The following FRMD4B variants were observed in gnomAD, a reference collection of about 807,000 sequenced individuals.
FRMD4B encodes the protein FERM domain-containing protein 4B.
A neutral mutation model predicts 141.5 loss-of-function variants in FRMD4B; 74 were observed. The ratio of observed to expected loss-of-function variants is 0.52; its 90% CI spans 0.43 to 0.63. FRMD4B has a LOEUF of 0.63. FRMD4B is among the 30% of genes least tolerant of loss of function. The probability of loss-of-function intolerance (pLI) is 0.00; values close to 1 mark genes in which losing one functional copy is unlikely to be tolerated. For synonymous variants in FRMD4B, 506 were observed against 467.9 expected (o/e 1.08, Z -1.05); for missense variants, 1,366 against 1,253.4 (o/e 1.09, Z -1.36).
intron 1 of FRMD4B, among the ~76,000 whole-genome samples, chr3:69,504,872 G>A (rs949921124): frequency 6.6e-6 from 1 of 152,192 alleles, no homozygotes; most frequent in Non-Finnish European, 1.5e-5. Flanking sequence ...TTCAATTAAA[G>A]CTTTATTTCT....
intron 1 of FRMD4B, among the ~76,000 whole-genome samples, chr3:69,505,812 G>C (rs1706585805): frequency 6.6e-6 from 1 of 152,096 alleles, no homozygotes; most frequent in Admixed American, 6.6e-5. Context: ...TGGCCTCCTG[G>C]GTGAAATCTA....
intron 2 of FRMD4B, among the ~76,000 whole-genome samples, chr3:69,407,338 G>C (rs1156909931): frequency 1.3e-5 from 2 of 152,244 alleles, no homozygotes; most frequent in Non-Finnish European, 2.9e-5. Flanking sequence ...CGTTAGATGG[G>C]ACTTAGGAAT....
chr3:69,495,267 T>C (rs72935586), intron 1 of FRMD4B, among the ~76,000 whole-genome samples: 1,990 of 152,330 alleles, frequency 0.013, 40 homozygotes, highest in African/African-American at 0.045. Context: ...ATGACTGTGA[T>C]ACTAGACTGT....
chr3:69,441,690 A>G (rs1575803649), intron 1 of FRMD4B, among the ~76,000 whole-genome samples: 1 of 152,230 alleles, frequency 6.6e-6, no homozygotes, highest in Non-Finnish European at 1.5e-5. Context: ...TGTTCAGTGA[A>G]TATGAGCTGA....
intron 1 of FRMD4B, among the ~76,000 whole-genome samples, chr3:69,494,816 C>T (rs575573652): frequency 3.3e-5 from 5 of 151,898 alleles, no homozygotes; most frequent in South Asian, 2.1e-4. Flanking sequence ...TGCTTGAACC[C>T]GGGAGGCAGA....
chr3:69,451,513 A>T (rs1199420666), intron 1 of FRMD4B, among the ~76,000 whole-genome samples: 1 of 152,180 alleles, frequency 6.6e-6, no homozygotes, highest in Non-Finnish European at 1.5e-5. Context: ...GTCTATTTTA[A>T]TGTCTTCTCT....
At chr3:69,523,370 G>A (rs1489822937) in intron 1 of FRMD4B, among the ~76,000 whole-genome samples, 1 of 152,156 alleles carries the variant, frequency 6.6e-6, no homozygotes, top group Admixed American at 6.5e-5. Context: ...GCATAAAGCT[G>A]AAATGGTGGG....
At chr3:69,355,099 G>A (rs183203065) in intron 1 of FRMD4B, among the ~76,000 whole-genome samples, 1 of 152,070 alleles carries the variant, frequency 6.6e-6, no homozygotes, top group Non-Finnish European at 1.5e-5. Flanking sequence ...GTGCTATATA[G>A]CTCAAACAAC....
intron 2 of FRMD4B, among the ~76,000 whole-genome samples, chr3:69,410,706 T>TATAAATAAATAAATAA (rs1219342263): frequency 1.2e-4 from 14 of 114,474 alleles, no homozygotes; most frequent in African/African-American, 4.4e-4. Flanking sequence ...AAAAGAAATA[T>TATAAATAAATAAATAA]ATAAATAAAT....
chr3:69,263,437 C>G (rs2093541280), intron 5 of FRMD4B, among the ~76,000 whole-genome samples: 1 of 117,836 alleles, frequency 8.5e-6, no homozygotes, highest in Admixed American at 1.1e-4. Context: ...GGGTCTTGCT[C>G]TCTTGCTCTG....
At chr3:69,205,756 G>A (rs1023111794) in intron 11 of FRMD4B, among the ~76,000 whole-genome samples, 6 of 152,200 alleles carry the variant, frequency 3.9e-5, no homozygotes, top group African/African-American at 1.4e-4. Flanking sequence ...CTATGGTGCT[G>A]AGATTGGGAA....
Position 69,464,698 on chromosome 3 carries a change from A to G in FRMD4B, c.-128-31937T>C, listed in dbSNP as rs187546232. ...CCATCACTGATTGCCAATATCCCCG[A>G]GTGATCACCTGATGCAATGGGGCTC... On this transcript the variant is annotated intron_variant, in intron 1 of 5. Coordinates refer to the FRMD4B transcript ENST00000459638. 1.9e-3 allele frequency among the ~76,000 whole-genome samples: 286 copies of G among 152,296 alleles called. 1 individual carries two copies. Among genetic ancestry groups the G allele is most frequent in the Middle Eastern group, 0.01 (3 of 294 alleles).
intron 11 of FRMD4B, among the ~76,000 whole-genome samples, chr3:69,208,237 G>A (rs1424333077): frequency 2.0e-5 from 3 of 151,984 alleles, no homozygotes; most frequent in Non-Finnish European, 2.9e-5. Flanking sequence ...CTAATTTTTT[G>A]TATTTTAGTA....
intron 3 of FRMD4B, chr3:69,306,504 A>G (rs1701396399): frequency 6.6e-6 from 1 of 152,212 alleles, no homozygotes; most frequent in South Asian, 2.1e-4. Flanking sequence ...AGATGGAACC[A>G]CTACGGTGAC....
At chr3:69,500,935 A>G (rs1193182211) in intron 1 of FRMD4B, among the ~76,000 whole-genome samples, 1 of 152,204 alleles carries the variant, frequency 6.6e-6, no homozygotes, top group Admixed American at 6.5e-5. Flanking sequence ...AAACATGTCT[A>G]GGCACACGCA....
chr3:69,237,428 C>A (rs2093352279), intron 7 of FRMD4B, among the ~76,000 whole-genome samples: 1 of 152,256 alleles, frequency 6.6e-6, no homozygotes, highest in African/African-American at 2.4e-5. Context: ...ATTATATAAG[C>A]CTTTCTCCTG....
At chr3:69,537,131 G>T (rs1368766916) in intron 1 of FRMD4B, among the ~76,000 whole-genome samples, 1 of 152,124 alleles carries the variant, frequency 6.6e-6, no homozygotes, top group Non-Finnish European at 1.5e-5. Flanking sequence ...CACATGGGGT[G>T]GCCACATAAT....
chr3:69,257,441 T>C (rs184724052), intron 5 of FRMD4B, among the ~76,000 whole-genome samples: 14 of 152,266 alleles, frequency 9.2e-5, no homozygotes, highest in Admixed American at 9.2e-4. Flanking sequence ...CTTTTTACCT[T>C]AATGACCACT....
chr3:69,229,588 T>G (rs538258222), intron 7 of FRMD4B, among the ~76,000 whole-genome samples: 1 of 152,280 alleles, frequency 6.6e-6, no homozygotes, highest in East Asian at 1.9e-4. Flanking sequence ...CTGACACAGA[T>G]AGCTTGGCAG....
Sources: allele counts gnomAD v4.1 joint callset (sites outside exome capture counted in the v4.1 genomes callset), GRCh38; gene constraint gnomAD v4.1.1; transcripts MANE v1.5; gene names NCBI Gene and HGNC (gene_info 2026-07-23, HGNC 2026-07-21).